The following XRCC4 variants were observed in gnomAD, a reference collection of about 807,000 sequenced individuals.
XRCC4 encodes X-ray repair cross complementing 4.
In XRCC4, 28 loss-of-function variants were observed where a neutral mutation model predicts 39.1. The observed-to-expected ratio is 0.72, with a 90% CI of 0.53 to 0.98. XRCC4 has a LOEUF of 0.98. XRCC4 is among the 50% of genes least tolerant of loss of function. The pLI is 0.00. For missense variants in XRCC4, 350 were observed against 376.4 expected, an observed-to-expected ratio of 0.93 and a Z score of 0.58; for synonymous variants, 123 against 126.4, an observed-to-expected ratio of 0.97 and a Z score of 0.18.
chr5:83,372,652 T>A, the XRCC4 span, among the ~76,000 whole-genome samples: 1 of 152,206 alleles, frequency 6.6e-6, no homozygotes, highest in Non-Finnish European at 1.5e-5. Flanking sequence ...CAAATTCAGT[T>A]ACTTGCTTCA....
chr5:83,338,420 A>G (rs1202371319), intron 7 of XRCC4, among the ~76,000 whole-genome samples: 1 of 152,190 alleles, frequency 6.6e-6, no homozygotes, highest in Admixed American at 6.5e-5. Flanking sequence ...TATGTATTGA[A>G]TTCATATGGT....
intron 7 of XRCC4, among the ~76,000 whole-genome samples, chr5:83,303,241 A>C (rs752031711): frequency 1.1e-4 from 16 of 151,894 alleles, no homozygotes; most frequent in Non-Finnish European, 1.8e-4. Context: ...AAAGATGTCA[A>C]ACTTGGGTAG....
chr5:83,145,146 C>T (rs1341805489), intron 3 of XRCC4, among the ~76,000 whole-genome samples: 3 of 152,200 alleles, frequency 2.0e-5, no homozygotes, highest in Non-Finnish European at 4.4e-5. Context: ...CCGCCTGCCT[C>T]GGCCTCCCAC....
chr5:83,346,696 T>C (rs1756927283), intron 7 of XRCC4, among the ~76,000 whole-genome samples: 1 of 152,166 alleles, frequency 6.6e-6, no homozygotes, highest in African/African-American at 2.4e-5. Flanking sequence ...CAGTATTGAT[T>C]AAATAAACAA....
intron 3 of XRCC4, among the ~76,000 whole-genome samples, chr5:83,133,317 G>A (rs1414077622): frequency 6.6e-6 from 1 of 152,166 alleles, no homozygotes; most frequent in Non-Finnish European, 1.5e-5. Flanking sequence ...GTGCCTCCCA[G>A]TTAGGCTACT....
At chr5:83,250,637 A>G (rs1753271930) in intron 6 of XRCC4, among the ~76,000 whole-genome samples, 1 of 152,102 alleles carries the variant, frequency 6.6e-6, no homozygotes. Flanking sequence ...GTTTCAATTC[A>G]GATTTGCTGT....
At chr5:83,224,391 C>T (rs1362971843) in intron 6 of XRCC4, among the ~76,000 whole-genome samples, 3 of 152,078 alleles carry the variant, frequency 2.0e-5, no homozygotes, top group East Asian at 1.9e-4. Flanking sequence ...CATACACAAA[C>T]GACACTGTTG....
At chr5:83,165,569 C>T (rs1374236772) in intron 3 of XRCC4, among the ~76,000 whole-genome samples, 1 of 152,028 alleles carries the variant, frequency 6.6e-6, no homozygotes, top group Non-Finnish European at 1.5e-5. Context: ...CAGATTATTT[C>T]ACCACCCATG....
chr5:83,269,871 G>T (rs1005143644), intron 7 of XRCC4, among the ~76,000 whole-genome samples: 14 of 152,084 alleles, frequency 9.2e-5, no homozygotes, highest in African/African-American at 3.1e-4. Flanking sequence ...TGGGGTGGGT[G>T]GGGGGATGGT....
At chr5:83,174,404 C>A (rs1224058186) in intron 3 of XRCC4, among the ~76,000 whole-genome samples, 2 of 151,004 alleles carry the variant, frequency 1.3e-5, no homozygotes, top group Non-Finnish European at 2.9e-5. Context: ...TCTCATATAA[C>A]TATGTATCTT....
chr5:83,118,546 T>C (rs1746850719), intron 3 of XRCC4, among the ~76,000 whole-genome samples: 2 of 152,210 alleles, frequency 1.3e-5, no homozygotes, highest in Admixed American at 1.3e-4. Flanking sequence ...ATGTTCACCT[T>C]TGAGGCAGCA....
chr5:83,136,282 C>T (rs1747894051), intron 3 of XRCC4, among the ~76,000 whole-genome samples: 1 of 152,158 alleles, frequency 6.6e-6, no homozygotes, highest in South Asian at 2.1e-4. Flanking sequence ...GACGACCCAC[C>T]TATTAATAGA....
At chr5:83,193,204 GAAGGTGAA>G (rs1287953655) in intron 3 of XRCC4, among the ~76,000 whole-genome samples, 1 of 152,062 alleles carries the variant, frequency 6.6e-6, no homozygotes, top group African/African-American at 2.4e-5. Flanking sequence ...CAGCAGCAGT[GAAGGTGAA>G]AGAGTGCCTC....
At chr5:83,338,299 TTACA>T (rs1479560599) in intron 7 of XRCC4, among the ~76,000 whole-genome samples, 1 of 152,212 alleles carries the variant, frequency 6.6e-6, no homozygotes, top group Non-Finnish European at 1.5e-5. Context: ...CAGATAATAG[TTACA>T]TACATAGTTC....
At chr5:83,077,994 T>G (rs1461800100) in intron 1 of XRCC4, 2 of 152,302 alleles carry the variant, frequency 1.3e-5, no homozygotes, top group African/African-American at 4.8e-5. Flanking sequence ...GCCTGTCCTT[T>G]CAATCCCCAG....
intron 6 of XRCC4, among the ~76,000 whole-genome samples, chr5:83,257,973 G>A (rs1753609170): frequency 6.6e-6 from 1 of 152,138 alleles, no homozygotes. Flanking sequence ...TCACTCATAA[G>A]TGGGAGCTGA....
At chr5:83,362,294 C>CAAAAAAAAAAAAAAAAA in the XRCC4 span, among the ~76,000 whole-genome samples, 13 of 73,168 alleles carry the variant, frequency 1.8e-4, no homozygotes, top group East Asian at 2.5e-3. Flanking sequence ...GCTATTTAGG[C>CAAAAAAAAAAAAAAAAA]AAAAAAAAAA....
intron 7 of XRCC4, among the ~76,000 whole-genome samples, chr5:83,275,739 G>T (rs1264359883): frequency 6.6e-6 from 1 of 152,322 alleles, no homozygotes; most frequent in African/African-American, 2.4e-5. Context: ...ATCTTAAAGT[G>T]AGCACAGACA....
chr5:83,345,845 G>A (rs1359196096), intron 7 of XRCC4, among the ~76,000 whole-genome samples: 3 of 152,138 alleles, frequency 2.0e-5, no homozygotes, highest in African/African-American at 7.2e-5. Context: ...CATTTTTAGA[G>A]AAACTTTCCC....
Sources: allele counts gnomAD v4.1 joint callset (sites outside exome capture counted in the v4.1 genomes callset), GRCh38; gene constraint gnomAD v4.1.1; transcripts MANE v1.5; gene names NCBI Gene and HGNC (gene_info 2026-07-23, HGNC 2026-07-21).